WDHD1: variants seen among roughly 807,000 people sequenced by gnomAD.
WDHD1 encodes the protein WD repeat and HMG-box DNA binding protein 1, also known as WD repeat and HMG-box DNA-binding protein 1.
A neutral mutation model predicts 135.4 loss-of-function variants in WDHD1; 111 were observed. The ratio of observed to expected loss-of-function variants is 0.82; its 90% CI spans 0.70 to 0.96. The LOEUF (loss-of-function observed/expected upper bound fraction) is 0.96. Among genes scored for constraint, WDHD1 ranks in the 40% least tolerant of loss-of-function variants. WDHD1 has a pLI of 0.00. For synonymous variants in WDHD1, 434 were observed against 439.0 expected (o/e 0.99, Z 0.14); for missense variants, 1,351 against 1,336.3 (o/e 1.01, Z -0.17).
chr14:54,951,934 TCAA>T (rs1566706244), intron 24 of WDHD1, among the ~76,000 whole-genome samples: 1 of 152,176 alleles, frequency 6.6e-6, no homozygotes, highest in Non-Finnish European at 1.5e-5. Context: ...GTGACAAAAT[TCAA>T]CAACGCTTCA....
chr14:54,949,797 G>C (rs536066114), intron 24 of WDHD1, among the ~76,000 whole-genome samples: 6 of 152,168 alleles, frequency 3.9e-5, no homozygotes, highest in African/African-American at 1.4e-4. Flanking sequence ...CTGATCTCTC[G>C]GCAGAAACTC....
At chr14:54,992,180 C>T (rs1344168997) in intron 11 of WDHD1, among the ~76,000 whole-genome samples, 1 of 151,370 alleles carries the variant, frequency 6.6e-6, no homozygotes, top group African/African-American at 2.4e-5. Context: ...ATCGCTTGAA[C>T]CCGGGAGACT....
chr14:54,966,369 A>T (rs1049535283), intron 18 of WDHD1, 106 bp downstream of exon 18: 4 of 1,310,888 alleles, frequency 3.1e-6, no homozygotes, highest in Non-Finnish European at 4.0e-6. Context: ...AAAAAACTTA[A>T]GAATCTTAGG....
rs1173528233 is a variant in WDHD1, at chr14:54,991,448, T to C, written c.1154-48A>G. ...TAAGGGAATCACGAATACCAATGAT[T>C]TGGAAAAAGGAAAGCATTATGGAAT... is the stretch of plus-strand genomic sequence containing the variant. On this transcript the variant is annotated intron_variant, in intron 11 of 25. Transcript: ENST00000360586. The C allele has an allele frequency of 3.2e-6, 5 of 1,556,968 alleles. No individual in the cohort carries two copies. In the East Asian group the frequency reaches 9.0e-5, roughly 28 times the overall value.
At chr14:54,984,952 A>C in intron 14 of WDHD1, 92 bp from the exon 15 acceptor site, 1 of 1,517,004 alleles carries the variant, frequency 6.6e-7, no homozygotes, top group Non-Finnish European at 9.0e-7. Context: ...TTTTGTGGTA[A>C]ATTACTAGAC....
chr14:54,992,242 G>A (rs970652485), intron 11 of WDHD1, among the ~76,000 whole-genome samples: 7 of 151,954 alleles, frequency 4.6e-5, no homozygotes, highest in South Asian at 4.1e-4. Context: ...TGTAATCCCA[G>A]CACTTTGGGA....
chr14:55,026,794 C>T lies in WDHD1; in HGVS notation c.-7G>A. 1 of 1,614,104 alleles carries T rather than the reference C, an allele frequency of 6.2e-7. No homozygotes were observed. The highest frequency in any genetic ancestry group is 8.5e-7 in the Non-Finnish European group (1 of 1,179,960). On this transcript the variant is annotated 5_prime_UTR_variant, in exon 2 of 26. Coordinates refer to ENST00000360586, the MANE Select transcript of WDHD1 (RefSeq NM_007086.4). Reference sequence around the variant, plus strand: ...GCTTCCGTGTGGCAGGCATGTTTTCCTTTACCTATCTGAAAATGTTTTATA... The same window carrying T: ...GCTTCCGTGTGGCAGGCATGTTTTCTTTTACCTATCTGAAAATGTTTTATA...
At chr14:54,988,617 T>C (rs181967958) in intron 13 of WDHD1, among the ~76,000 whole-genome samples, 12 of 152,178 alleles carry the variant, frequency 7.9e-5, no homozygotes, top group Admixed American at 2.6e-4. Context: ...ACATATCAAA[T>C]TGTAAATAGC....
chr14:55,016,554 C>T (rs1199523554), intron 2 of WDHD1, among the ~76,000 whole-genome samples: 1 of 152,190 alleles, frequency 6.6e-6, no homozygotes, highest in Non-Finnish European at 1.5e-5. Context: ...TCTACTCCTG[C>T]AGAAGGTGAT....
In WDHD1 at chr14:54,963,025, C is replaced by T. The variant is rs757173565; in HGVS notation, c.2458G>A (p.Ala820Thr). The T allele has an allele frequency of 3.7e-5, 60 of 1,613,762 alleles. No homozygotes were observed. The highest frequency in any genetic ancestry group is 4.7e-5 in the Non-Finnish European group (56 of 1,179,978). ...ACCTGGGTTGCTGTCAATTCGGCTG[C>T]CTTCTCTACAGCCAGTTCACTTAGT... ...QKLSELAVEK[A>T]AELTATQVEE... Residue 820 changes from alanine to threonine, a missense_variant, in exon 19 of 26, where the codon GCA (alanine) becomes ACA (threonine). Ala to Thr is a moderately conservative substitution (Grantham distance 58). This residue lies in a region of WDHD1 where 1,330 missense variants were observed against 1,296.1 expected (regional missense o/e 1.03). Transcript: ENST00000360586.
rs1595047360 is a variant in WDHD1, at chr14:54,941,824, C to T, written c.3190-134G>A. The T allele has an allele frequency of 5.5e-6, 4 of 724,796 alleles. No homozygotes were observed. In the South Asian group the frequency reaches 8.9e-5, roughly 16 times the overall value. The allele number at this position is 724,796 out of a possible 1,614,324, so 44.9% of individuals were successfully genotyped here. On this transcript the variant is annotated intron_variant, in intron 25 of 25. Coordinates refer to ENST00000360586, the MANE Select transcript of WDHD1 (RefSeq NM_007086.4). ...AATTAGCACTTGAATTAAGTGTTCT[C>T]ATTGTTAACAAATCTTTTATTACTT...
At chr14:55,016,213 A>G (rs1251627300) in intron 2 of WDHD1, among the ~76,000 whole-genome samples, 1 of 152,214 alleles carries the variant, frequency 6.6e-6, no homozygotes, top group Non-Finnish European at 1.5e-5. Flanking sequence ...TCAAATAACT[A>G]ACTACATATT....
At chr14:54,945,294 C>T (rs2140146136) in intron 24 of WDHD1, among the ~76,000 whole-genome samples, 1 of 152,300 alleles carries the variant, frequency 6.6e-6, no homozygotes, top group African/African-American at 2.4e-5. Context: ...CTTTAAGTCA[C>T]ACAAGTGAAG....
intron 14 of WDHD1, among the ~76,000 whole-genome samples, chr14:54,986,083 A>G (rs1489492847): frequency 6.6e-6 from 1 of 152,228 alleles, no homozygotes; most frequent in Admixed American, 6.5e-5. Flanking sequence ...TATCAACTTA[A>G]AAGTCATAGA....
At chr14:55,021,475 C>T (rs946026729) in intron 2 of WDHD1, among the ~76,000 whole-genome samples, 3 of 151,734 alleles carry the variant, frequency 2.0e-5, no homozygotes, top group African/African-American at 7.3e-5. Context: ...GGCACAATCT[C>T]GGCTCACTGC....
At position 54,941,318 on chromosome 14, in the gene WDHD1, A is replaced by G; in HGVS notation, c.*172T>C. 1 of 489,958 alleles carries G rather than the reference A, an allele frequency of 2.0e-6. No homozygotes were observed. The highest frequency in any genetic ancestry group is 3.4e-6 in the Non-Finnish European group (1 of 295,004). The allele number at this position is 489,958 out of a possible 1,614,324, so 30.4% of individuals were successfully genotyped here. A position where few individuals can be genotyped will look rare whatever the true frequency, so the allele number is the denominator to read the frequency against. Reference sequence around the variant, plus strand: ...GTAATCTGCAAAGATGATAGTTTTTACATATGTCCTGTTACCTACACCAAT... The same window carrying G: ...GTAATCTGCAAAGATGATAGTTTTTGCATATGTCCTGTTACCTACACCAAT... On this transcript the variant is annotated 3_prime_UTR_variant, in exon 26 of 26. Transcript: ENST00000360586.
In WDHD1 at chr14:54,989,152, C is replaced by A. The variant is rs751438464; in HGVS notation, c.1402G>T (p.Val468Leu). 6.2e-7 allele frequency: 1 copy of A among 1,613,596 alleles called. No individual in the cohort carries two copies. The highest frequency in any genetic ancestry group is 2.2e-5 in the East Asian group (1 of 44,808). Residue 468 changes from valine to leucine, a missense_variant, in exon 13 of 26, where the codon GTG becomes TTG. By Grantham distance (32) the Val-to-Leu change is conservative. Around this residue, in one of 2 missense-constraint regions of WDHD1, gnomAD observed 1,330 missense variants for 1,296.1 expected, o/e 1.03. Coordinates refer to ENST00000360586, the MANE Select transcript of WDHD1 (RefSeq NM_007086.4). Reference sequence around the variant, plus strand: ...TGTATGGAGGTATCATGGAACTCCACATCTATGGCATTGTCTTGCTCATCA... The same window carrying A: ...TGTATGGAGGTATCATGGAACTCCAAATCTATGGCATTGTCTTGCTCATCA... ...YNDEQDNAIDVEFHDTSIHHA... is the reference protein window; with the variant it reads ...YNDEQDNAIDLEFHDTSIHHA...
intron 14 of WDHD1, 53 bp downstream of exon 14, chr14:54,987,093 G>T: frequency 6.3e-7 from 1 of 1,593,578 alleles, no homozygotes; most frequent in Non-Finnish European, 8.5e-7. Flanking sequence ...CAGCAAAAAA[G>T]CTCAAGTAAT....
intron 2 of WDHD1, among the ~76,000 whole-genome samples, chr14:55,016,450 C>T (rs919618680): frequency 5.9e-5 from 9 of 152,116 alleles, no homozygotes; most frequent in Admixed American, 5.9e-4. Flanking sequence ...TAACACCAAC[C>T]ACAAGAAAAT....
Sources: gnomAD v4.1 joint callset for allele counts (sites outside exome capture counted in the v4.1 genomes callset) on GRCh38, gnomAD v4.1.1 for gene constraint, gnomAD v4.1.1 regional missense constraint, MANE v1.5 for transcripts, NCBI Gene and HGNC (gene_info 2026-07-23, HGNC 2026-07-21) for gene names.